The following AIMP1 variants were observed in gnomAD, a reference collection of about 807,000 sequenced individuals.
The protein encoded by AIMP1 is aminoacyl tRNA synthetase complex interacting multifunctional protein 1, also known as aminoacyl tRNA synthase complex-interacting multifunctional protein 1.
Under a neutral mutation model 33.1 loss-of-function variants are expected in AIMP1, and 24 were observed. That is an observed-to-expected ratio of 0.73 (90% CI 0.53 to 1.02). AIMP1 has a LOEUF of 1.02. AIMP1 is among the 50% of genes least tolerant of loss of function. The pLI is 0.00. For missense variants in AIMP1, 367 were observed against 364.8 expected (o/e 1.01, Z -0.05); for synonymous variants, 120 against 121.5 (o/e 0.99, Z 0.08).
chr4:106,319,145 A>AT (rs2125918014), intron 1 of AIMP1, among the ~76,000 whole-genome samples: 1 of 152,338 alleles, frequency 6.6e-6, no homozygotes, highest in Non-Finnish European at 1.5e-5. Context: ...CCTATATAGC[A>AT]TAAGAATTCT....
intron 2 of AIMP1, among the ~76,000 whole-genome samples, chr4:106,325,440 A>T (rs1233144498): frequency 6.6e-6 from 1 of 151,986 alleles, no homozygotes; most frequent in East Asian, 1.9e-4. Context: ...CAGAAACTTT[A>T]TCAATTTTTT....
chr4:106,327,450 G>A lies in AIMP1; in HGVS notation c.110-1G>A. ...TTTTAACTGGATGTTCTTGATCCTA[G>A]TTTTGCAGGCAACTTTGAGGGAAGA... On this transcript the variant is annotated splice_acceptor_variant, in intron 2 of 6. Transcript: ENST00000672341. LOFTEE classifies it high-confidence loss of function. 2 of 1,608,156 alleles carry A rather than the reference G, an allele frequency of 1.2e-6. No homozygotes were observed. Among genetic ancestry groups the A allele is most frequent in the Non-Finnish European group, 1.7e-6 (2 of 1,175,274 alleles).
rs191888756 is a variant in AIMP1, at chr4:106,340,700, C to T, written c.772+3663C>T. ...TAATCCAATCCACTGTTGATGGACACTAGAGTTGATTGCATGTCTTTGCTA... is the reference window on the plus strand; with the variant it reads ...TAATCCAATCCACTGTTGATGGACATTAGAGTTGATTGCATGTCTTTGCTA... On this transcript the variant is annotated intron_variant, in intron 6 of 6. Coordinates refer to ENST00000672341, the MANE Select transcript of AIMP1 (RefSeq NM_001142416.2). Among the ~76,000 whole-genome samples the T allele has an allele frequency of 9.4e-4, 143 of 152,250 alleles. 1 individual carries two copies. Among genetic ancestry groups the T allele is most frequent in the Non-Finnish European group, 2.5e-4 (17 of 68,006 alleles).
intron 6 of AIMP1, among the ~76,000 whole-genome samples, chr4:106,341,664 C>T (rs774016208): frequency 5.9e-5 from 9 of 152,016 alleles, no homozygotes; most frequent in Non-Finnish European, 1.0e-4. Flanking sequence ...ATTTTTGTAC[C>T]AGTACCCTTC....
intron 3 of AIMP1, among the ~76,000 whole-genome samples, chr4:106,327,868 A>G (rs1164780922): frequency 6.6e-6 from 1 of 152,186 alleles, no homozygotes; most frequent in Admixed American, 6.5e-5. Context: ...AATGGGAATC[A>G]TGCCTTTATT....
At chr4:106,319,944 C>T (rs1015839261) in intron 1 of AIMP1, among the ~76,000 whole-genome samples, 16 of 152,260 alleles carry the variant, frequency 1.1e-4, no homozygotes, top group African/African-American at 2.9e-4. Flanking sequence ...TTTCAATCCT[C>T]GTTTACTATG....
intron 4 of AIMP1, among the ~76,000 whole-genome samples, chr4:106,330,228 A>G (rs1269913431): frequency 2.0e-5 from 3 of 152,192 alleles, no homozygotes; most frequent in African/African-American, 7.2e-5. Context: ...AAGTATTTCA[A>G]ATGCCTAGGA....
At chr4:106,339,468 G>A (rs184248642) in intron 6 of AIMP1, among the ~76,000 whole-genome samples, 6 of 152,210 alleles carry the variant, frequency 3.9e-5, no homozygotes, top group Non-Finnish European at 7.4e-5. Flanking sequence ...TCCCCTACAC[G>A]TGCTCTCTTG....
chr4:106,317,714 AAC>A (rs1266183673), intron 1 of AIMP1, among the ~76,000 whole-genome samples: 1 of 152,198 alleles, frequency 6.6e-6, no homozygotes, highest in Admixed American at 6.5e-5. Flanking sequence ...CAGAGTGGCA[AAC>A]ACAAGTTAAA....
intron 6 of AIMP1, among the ~76,000 whole-genome samples, chr4:106,344,849 T>C (rs1279835208): frequency 6.6e-6 from 1 of 152,208 alleles, no homozygotes; most frequent in Non-Finnish European, 1.5e-5. Flanking sequence ...TTTTCATCTA[T>C]AAGAAGGGGT....
intron 1 of AIMP1, among the ~76,000 whole-genome samples, chr4:106,322,044 G>A (rs992981795): frequency 2.0e-5 from 3 of 152,106 alleles, no homozygotes; most frequent in African/African-American, 7.2e-5. Context: ...AATGGATTAA[G>A]GGCGGTGCAA....
intron 6 of AIMP1, among the ~76,000 whole-genome samples, chr4:106,344,783 A>G (rs1770233373): frequency 6.6e-6 from 1 of 151,028 alleles, no homozygotes; most frequent in Admixed American, 6.6e-5. Context: ...GCTCTTTCCC[A>G]AGATAGCTGC....
At chr4:106,324,619 A>G (rs1769392467) in intron 1 of AIMP1, among the ~76,000 whole-genome samples, 1 of 152,076 alleles carries the variant, frequency 6.6e-6, no homozygotes, top group Non-Finnish European at 1.5e-5. Flanking sequence ...GAATGAAATC[A>G]GCAACTCTTT....
At position 106,328,097 on chromosome 4, in the gene AIMP1, C is replaced by G. The variant is rs1448190126; in HGVS notation, c.245C>G (p.Ser82Cys). The change falls in exon 4 of 7, where the codon TCT becomes TGT. Residue 82 changes from serine (S) to cysteine (C), a missense_variant. Transcript: ENST00000672341. ...TCAGTGAAGCAAATACCATTTCCAT[C>G]TGGTACTCCACTGCACGCTAATTCT... ...QNGVKQIPFPSGTPLHANSMV... is the reference protein window; with the variant it reads ...QNGVKQIPFPCGTPLHANSMV... 1.9e-6 allele frequency: 3 copies of G among 1,612,946 alleles called. No homozygotes were observed. Among genetic ancestry groups the G allele is most frequent in the Non-Finnish European group, 1.7e-6 (2 of 1,179,194 alleles).
At chr4:106,338,277 A>G (rs1032336617) in intron 6 of AIMP1, among the ~76,000 whole-genome samples, 2 of 152,218 alleles carry the variant, frequency 1.3e-5, no homozygotes, top group African/African-American at 4.8e-5. Context: ...TGCCAAGACA[A>G]TGGGGAAAAT....
rs1769413602 is a variant in AIMP1 at position 106,325,215 on chromosome 4, T to G, written c.109+97T>G. On this transcript the variant is annotated intron_variant, in intron 2 of 6. Coordinates refer to ENST00000672341, the MANE Select transcript of AIMP1 (RefSeq NM_001142416.2). Reference sequence around the variant, plus strand: ...TTACCGCTTTAAGTTATTTAAGTTTTACTTAGAAGTTTCTGTTATATGTAG... The same window carrying G: ...TTACCGCTTTAAGTTATTTAAGTTTGACTTAGAAGTTTCTGTTATATGTAG... 3 of 1,175,518 alleles carry G rather than the reference T, an allele frequency of 2.6e-6. No individual in the cohort carries two copies. The South Asian group carries it at 4.4e-5, about 17-fold the overall frequency. 72.8% of individuals were successfully genotyped at this position (1,175,518 alleles called of 1,614,324 possible).
At chr4:106,344,888 T>A (rs574376316) in intron 6 of AIMP1, among the ~76,000 whole-genome samples, 1 of 152,332 alleles carries the variant, frequency 6.6e-6, no homozygotes, top group East Asian at 1.9e-4. Context: ...TTAACTGGGT[T>A]TGTAAGCTTT....
At position 106,329,772 on chromosome 4, in the gene AIMP1, CTTTTTTTTTTTT is replaced by C. The variant is rs59016309; in HGVS notation, c.391+1548_391+1559del. ...ATGATCTTTCTAGACTGCTACATAT[CTTTTTTTTTTTT>C]TTTTTTTTTTTTTTTTTTGGAGACG... is the stretch of plus-strand genomic sequence containing the variant. On this transcript the variant is annotated intron_variant, in intron 4 of 6. Transcript: ENST00000672341. Among the ~76,000 whole-genome samples, 13 of 53,084 alleles carry C rather than the reference CTTTTTTTTTTTT, an allele frequency of 2.4e-4. No individual in the cohort carries two copies. In the South Asian group the frequency reaches 4.3e-3, roughly 17 times the overall value. The allele number at this position is 53,084 out of a possible 152,430, so 34.8% of individuals were successfully genotyped here.
At chr4:106,332,030 C>T in intron 5 of AIMP1, 147 bp downstream of exon 5, 1 of 778,104 alleles carries the variant, frequency 1.3e-6, no homozygotes, top group African/African-American at 1.7e-5. Context: ...TGGTTAATTA[C>T]ACAAAAAAAG....
Sources: allele counts gnomAD v4.1 joint callset (sites outside exome capture counted in the v4.1 genomes callset), GRCh38; gene constraint gnomAD v4.1.1; transcripts MANE v1.5; gene names NCBI Gene and HGNC (gene_info 2026-07-23, HGNC 2026-07-21).